Variants in FANCA observed in about 807,000 individuals in gnomAD.
FANCA encodes the protein FA complementation group A.
Under a neutral mutation model 194.3 loss-of-function variants are expected in FANCA, and 236 were observed. The ratio of observed to expected loss-of-function variants is 1.21; its 90% confidence interval spans 1.09 to 1.35. The LOEUF is 1.35. FANCA is among the 40% of genes most tolerant of loss of function. The probability of loss-of-function intolerance (pLI) is 0.00; values close to 1 mark genes in which losing one functional copy is unlikely to be tolerated. For missense variants in FANCA, 2,628 were observed against 1,813.9 expected (o/e 1.45, Z -8.15); for synonymous variants, 1,014 against 715.8 (o/e 1.42, Z -6.65).
chr16:89,816,441 G>T, intron 1 of FANCA, 96 bp downstream of exon 1: 3 of 1,154,306 alleles, frequency 2.6e-6, no homozygotes, highest in South Asian at 2.0e-5. Context: ...CCGGGGATCC[G>T]ACCGGCGGAG....
At chr16:89,779,074 G>A (rs377663743) in intron 18 of FANCA, 71 bp from the exon 19 acceptor site, 3 of 1,456,730 alleles carry the variant, frequency 2.1e-6, no homozygotes, top group Middle Eastern at 2.4e-4. Flanking sequence ...ACGGTGACCG[G>A]TGTTTCAGAG....
chr16:89,744,839 TCACACGAGAGGCTGCC>T, intron 36 of FANCA, 104 bp downstream of exon 36: 4 of 907,998 alleles, frequency 4.4e-6, no homozygotes, highest in Non-Finnish European at 7.0e-6. Flanking sequence ...TTCTCCCTGC[TCACACGAGAGGCTGCC>T]CACACCGCTT....
intron 6 of FANCA, 129 bp from the exon 7 acceptor site, chr16:89,805,521 G>A (rs2040608761): frequency 7.3e-6 from 5 of 687,364 alleles, no homozygotes; most frequent in Non-Finnish European, 8.0e-6. Context: ...GAGTGCAGTG[G>A]CGCAATCAGT....
chr16:89,799,313 A>C (rs1218749321), intron 9 of FANCA, 81 bp from the exon 10 acceptor site: 31 of 1,536,926 alleles, frequency 2.0e-5, no homozygotes, highest in Non-Finnish European at 4.5e-6. Context: ...GCGCTTTCAG[A>C]CAACAGATCC....
intron 5 of FANCA, 33 bp downstream of exon 5, chr16:89,810,674 A>T (rs1399550409): frequency 1.5e-6 from 2 of 1,358,176 alleles, no homozygotes; most frequent in East Asian, 4.6e-5. Flanking sequence ...TGCCTGGAAC[A>T]CTGGAGAGTC....
intron 30 of FANCA, among the ~76,000 whole-genome samples, chr16:89,756,402 G>T (rs186291581): frequency 1.8e-3 from 271 of 152,300 alleles, no homozygotes; most frequent in Non-Finnish European, 3.0e-3. Context: ...GCCGAGGCGG[G>T]CAGATCACCT....
Position 89,805,356 on chromosome 16 carries a change from G to A in FANCA, c.633C>T (p.Phe211=), listed in dbSNP as rs1162376354. The part of the protein sequence containing the change: ...PDMHAVGSWL[F]RNLCCLCEQM... Reference sequence around the variant, plus strand: ...GTTCACAAAGGCAGCACAGATTCCTGAAGAGCCACGATCCCACAGCATGCA... The same window carrying A: ...GTTCACAAAGGCAGCACAGATTCCTAAAGAGCCACGATCCCACAGCATGCA... Residue 211 remains phenylalanine, a synonymous_variant, in exon 7 of 43, where the codon TTC becomes TTT. Transcript: ENST00000389301. 2 of 1,614,070 alleles carry A rather than the reference G, an allele frequency of 1.2e-6. No individual in the cohort carries two copies. Among genetic ancestry groups the A allele is most frequent in the East Asian group, 2.2e-5 (1 of 44,880 alleles).
chr16:89,803,159 C>T lies in FANCA; in HGVS notation c.792+100G>A, dbSNP rs75719013. 698 of 1,163,870 alleles carry T rather than the reference C, an allele frequency of 6.0e-4. 4 individuals carry two copies. Among genetic ancestry groups the T allele is most frequent in the Non-Finnish European group, 8.2e-4 (635 of 770,668 alleles). 72.1% of individuals were successfully genotyped at this position (1,163,870 alleles called of 1,614,324 possible). ...ATCACATGTACCCCGTAAATAGGTA[C>T]AAACAGCACGTTTCAATAGAGAGAC... On this transcript the variant is annotated intron_variant, in intron 8 of 42. Coordinates refer to ENST00000389301, the MANE Select transcript of FANCA (RefSeq NM_000135.4).
At chr16:89,759,841 C>T (rs1368383898) in intron 29 of FANCA, among the ~76,000 whole-genome samples, 10 of 152,210 alleles carry the variant, frequency 6.6e-5, no homozygotes, top group Admixed American at 2.0e-4. Flanking sequence ...ACCAGGAAAA[C>T]GCTCCACACG....
rs865814398 is a variant in FANCA at position 89,788,623 on chromosome 16, A to G, written c.1359+2780T>C. On this transcript the variant is annotated intron_variant, in intron 14 of 42. Transcript: ENST00000389301. Reference sequence around the variant, plus strand: ...ACCAGCCTGAGCAACACGGTATGACATTGTATTTACAAAAAAATTTTTTTT... The same window carrying G: ...ACCAGCCTGAGCAACACGGTATGACGTTGTATTTACAAAAAAATTTTTTTT... Among the ~76,000 whole-genome samples the G allele has an allele frequency of 3.9e-5, 6 of 152,180 alleles. 1 individual carries two copies. Among genetic ancestry groups the G allele is most frequent in the Middle Eastern group, 6.8e-3 (2 of 294 alleles).
In FANCA at chr16:89,805,398, GAC is replaced by G. The variant is rs751501568; in HGVS notation, c.597-8_597-7del. ...CAGCATGCATGTCGGGATGGCTGGAGACACACACAGAGGCAGACGTAAGGCTC... is the reference window on the plus strand; with the variant it reads ...CAGCATGCATGTCGGGATGGCTGGAGACACACAGAGGCAGACGTAAGGCTC... On this transcript the variant is annotated splice_polypyrimidine_tract_variant and splice_region_variant and intron_variant, in intron 6 of 42. Transcript: ENST00000389301. 7 of 1,606,036 alleles carry G rather than the reference GAC, an allele frequency of 4.4e-6. No individual in the cohort carries two copies. The highest frequency in any genetic ancestry group is 2.2e-5 in the East Asian group (1 of 44,866).
intron 33 of FANCA, 42 bp downstream of exon 33, chr16:89,748,617 G>C (rs569058983): frequency 6.8e-7 from 1 of 1,462,822 alleles, no homozygotes. Context: ...AGCGCCACAG[G>C]CACTGACAGA....
chr16:89,791,823 G>A, intron 13 of FANCA, 104 bp downstream of exon 13: 3 of 1,459,714 alleles, frequency 2.1e-6, no homozygotes, highest in Admixed American at 1.7e-5. Flanking sequence ...GGGCAGGTAG[G>A]GAAGGGCTTC....
chr16:89,798,965 C>T (rs920245617), intron 10 of FANCA: 4 of 1,612,856 alleles, frequency 2.5e-6, no homozygotes, highest in Middle Eastern at 1.8e-4. Context: ...CGACCTCATC[C>T]TCACAGGAAA....
rs545022296 is a variant in FANCA, at chr16:89,807,282, C to A, written c.596+1012G>T. 4.1e-5 allele frequency among the ~76,000 whole-genome samples: 6 copies of A among 147,586 alleles called. No homozygotes were observed. In the East Asian group the frequency reaches 9.9e-4, roughly 24 times the overall value. On this transcript the variant is annotated intron_variant, in intron 6 of 42. Coordinates refer to ENST00000389301, the MANE Select transcript of FANCA (RefSeq NM_000135.4). ...GACCAGCCTAGCCAACATGGTGAAA[C>A]CCCATCTCTACTAAACATACAAAAA...
chr16:89,795,435 G>C (rs972545420), intron 11 of FANCA, among the ~76,000 whole-genome samples: 2 of 152,026 alleles, frequency 1.3e-5, no homozygotes, highest in Non-Finnish European at 2.9e-5. Flanking sequence ...TCAGGAGTTC[G>C]AGGCCAGCCT....
chr16:89,761,576 G>A (rs891352231), intron 29 of FANCA, among the ~76,000 whole-genome samples: 4 of 151,674 alleles, frequency 2.6e-5, no homozygotes, highest in Non-Finnish European at 4.4e-5. Context: ...ATAAAATGAC[G>A]AAACATAGGC....
At chr16:89,798,567 C>T in intron 10 of FANCA, 2 of 1,136,302 alleles carry the variant, frequency 1.8e-6, no homozygotes, top group Non-Finnish European at 1.1e-6. Flanking sequence ...TAGAGGGAAG[C>T]AAACCCCAGA....
intron 14 of FANCA, chr16:89,791,197 T>C (rs1318148141): frequency 1.1e-5 from 7 of 658,922 alleles, no homozygotes; most frequent in African/African-American, 1.8e-5. Flanking sequence ...CCTCGGAACA[T>C]GCAGAGGAAG....
Sources: allele counts gnomAD v4.1 joint callset (sites outside exome capture counted in the v4.1 genomes callset), GRCh38; gene constraint gnomAD v4.1.1; transcripts MANE v1.5; gene names NCBI Gene and HGNC (gene_info 2026-07-23, HGNC 2026-07-21).